MECOM: variants seen among roughly 807,000 people sequenced by gnomAD.
The protein encoded by MECOM is MDS1 and EVI1 complex locus.
MECOM carries 13 observed loss-of-function variants against 116.3 expected under a neutral mutation model. That is an observed-to-expected ratio of 0.11 (90% CI 0.07 to 0.18). MECOM has a LOEUF of 0.18. MECOM is among the 10% of genes least tolerant of loss of function. MECOM has a pLI of 1.00. For synonymous variants in MECOM, 528 were observed against 535.2 expected, an observed-to-expected ratio of 0.99 and a Z score of 0.19; for missense variants, 1,299 against 1,509.0, an observed-to-expected ratio of 0.86 and a Z score of 2.31.
intron 2 of MECOM, among the ~76,000 whole-genome samples, chr3:169,311,716 A>G (rs1718806706): frequency 6.6e-6 from 1 of 152,004 alleles, no homozygotes; most frequent in African/African-American, 2.4e-5. Flanking sequence ...TTCAAAAATT[A>G]CCTTTCTCTA....
intron 1 of MECOM, among the ~76,000 whole-genome samples, chr3:169,459,010 T>C (rs1338634038): frequency 6.6e-6 from 1 of 150,712 alleles, no homozygotes; most frequent in Non-Finnish European, 1.5e-5. Context: ...TCGATTCCCT[T>C]ACACAAAAGC....
intron 2 of MECOM, among the ~76,000 whole-genome samples, chr3:169,379,143 T>C (rs1209505595): frequency 1.3e-5 from 2 of 150,170 alleles, no homozygotes; most frequent in African/African-American, 4.9e-5. Flanking sequence ...TTGTATTAAC[T>C]AGGTAAGATT....
At chr3:169,358,336 T>C (rs566218098) in intron 2 of MECOM, among the ~76,000 whole-genome samples, 2 of 151,880 alleles carry the variant, frequency 1.3e-5, no homozygotes, top group Non-Finnish European at 3.0e-5. Context: ...AAAGGACTTA[T>C]ATTAAATAGA....
At chr3:169,102,437 C>T (rs1335789513) in intron 10 of MECOM, among the ~76,000 whole-genome samples, 2 of 152,050 alleles carry the variant, frequency 1.3e-5, no homozygotes, top group Non-Finnish European at 2.9e-5. Flanking sequence ...AAATGCTGAG[C>T]GAACTTTTTC....
At chr3:169,573,646 G>T (rs1418943126) in intron 1 of MECOM, among the ~76,000 whole-genome samples, 1 of 152,058 alleles carries the variant, frequency 6.6e-6, no homozygotes, top group Non-Finnish European at 1.5e-5. Context: ...TTTTATCAGA[G>T]GAAGGAAATC....
At chr3:169,266,090 T>C (rs547605311) in intron 2 of MECOM, among the ~76,000 whole-genome samples, 86 of 152,318 alleles carry the variant, frequency 5.6e-4, no homozygotes, top group African/African-American at 2.0e-3. Context: ...TCAAGGAGGA[T>C]TTTTACTTTG....
At chr3:169,454,555 T>C (rs1418906) in intron 1 of MECOM, among the ~76,000 whole-genome samples, 6,799 of 152,194 alleles carry the variant, frequency 0.045, 367 homozygotes, top group African/African-American at 0.13. Context: ...ATGGAGAAAG[T>C]TTTAAGACAG....
In MECOM at chr3:169,412,282, TC is replaced by T. The variant is rs1331081357; in HGVS notation, c.38-30759del. ...GCCTGGGCAACAGAGTGAGACTCTGTCTCAAAAAAAAAAAAAAGGAATAAAT... is the reference window on the plus strand; with the variant it reads ...GCCTGGGCAACAGAGTGAGACTCTGTTCAAAAAAAAAAAAAAGGAATAAAT... On this transcript the variant is annotated intron_variant, in intron 1 of 16. Coordinates refer to ENST00000651503, the MANE Select transcript of MECOM (RefSeq NM_004991.4). 2.4e-5 allele frequency among the ~76,000 whole-genome samples: 3 copies of T among 122,660 alleles called. No homozygotes were observed. The South Asian group carries it at 7.5e-4, about 31-fold the overall frequency. 80.5% of individuals were successfully genotyped at this position (122,660 alleles called of 152,430 possible).
chr3:169,219,208 T>TA (rs369444514), intron 2 of MECOM, among the ~76,000 whole-genome samples: 5 of 151,918 alleles, frequency 3.3e-5, no homozygotes, highest in African/African-American at 7.2e-5. Flanking sequence ...TTAGGTCCTT[T>TA]AAAAAAAAAT....
At chr3:169,549,842 G>A (rs1761169039) in intron 1 of MECOM, among the ~76,000 whole-genome samples, 1 of 152,248 alleles carries the variant, frequency 6.6e-6, no homozygotes. Flanking sequence ...CCTCTGGGAT[G>A]TGGCGCTGTC....
At chr3:169,347,594 G>A (rs999790181) in intron 2 of MECOM, among the ~76,000 whole-genome samples, 1 of 151,926 alleles carries the variant, frequency 6.6e-6, no homozygotes, top group Non-Finnish European at 1.5e-5. Context: ...AAATGAGGAG[G>A]AGTTAGAATT....
chr3:169,601,685 G>C (rs1767848252), intron 1 of MECOM, among the ~76,000 whole-genome samples: 1 of 152,080 alleles, frequency 6.6e-6, no homozygotes, highest in African/African-American at 2.4e-5. Flanking sequence ...CCATCTGCAG[G>C]CTCACGTCAC....
chr3:169,181,376 C>A (rs186702706), intron 2 of MECOM, among the ~76,000 whole-genome samples: 15 of 152,244 alleles, frequency 9.9e-5, no homozygotes, highest in Admixed American at 3.3e-4. Context: ...CCACATGTGA[C>A]CAATGCCAGC....
At position 169,095,214 on chromosome 3, in the gene MECOM, A is replaced by T; in HGVS notation, c.2881T>A (p.Ser961Thr). ...CGAACATGCCTTTGCAAGTTAGAAG[A>T]TATGCTAAATGATCTGTCACAGTAT... The part of the protein sequence containing the change: ...CKYCDRSFSI[S>T]SNLQRHVRNI... Residue 961 changes from serine to threonine, a missense_variant, in exon 13 of 17, where the codon TCT (serine) becomes ACT (threonine). Ser to Thr is a moderately conservative substitution (Grantham distance 58, BLOSUM62 1). Transcript: ENST00000651503. 6.2e-7 allele frequency: 1 copy of T among 1,612,646 alleles called. No individual in the cohort carries two copies. The highest frequency in any genetic ancestry group is 8.5e-7 in the Non-Finnish European group (1 of 1,179,468).
chr3:169,610,740 T>G (rs1327632433), intron 1 of MECOM, among the ~76,000 whole-genome samples: 1 of 152,204 alleles, frequency 6.6e-6, no homozygotes, highest in East Asian at 1.9e-4. Context: ...AGACACTTCT[T>G]GGGTGAAATA....
At chr3:169,101,281 A>T (rs1489370786) in intron 11 of MECOM, among the ~76,000 whole-genome samples, 1 of 152,192 alleles carries the variant, frequency 6.6e-6, no homozygotes, top group Admixed American at 6.5e-5. Flanking sequence ...ATTGAACCAG[A>T]TAAGGGGATA....
At chr3:169,356,999 CA>C in intron 2 of MECOM, among the ~76,000 whole-genome samples, 1 of 151,940 alleles carries the variant, frequency 6.6e-6, no homozygotes, top group East Asian at 1.9e-4. Flanking sequence ...ACAGAATTTT[CA>C]AAATCTGCCA....
At chr3:169,278,371 C>G (rs1389178504) in intron 2 of MECOM, among the ~76,000 whole-genome samples, 1 of 152,182 alleles carries the variant, frequency 6.6e-6, no homozygotes, top group Non-Finnish European at 1.5e-5. Flanking sequence ...AGATCCAGTC[C>G]TAAATGCCTT....
At chr3:169,606,580 A>G (rs1172257708) in intron 1 of MECOM, among the ~76,000 whole-genome samples, 1 of 152,208 alleles carries the variant, frequency 6.6e-6, no homozygotes, top group Non-Finnish European at 1.5e-5. Context: ...ACCGCAAAGT[A>G]CAGTGGCTTA....
Sources: gnomAD v4.1 joint callset for allele counts (sites outside exome capture counted in the v4.1 genomes callset) on GRCh38, gnomAD v4.1.1 for gene constraint, MANE v1.5 for transcripts, NCBI Gene and HGNC (gene_info 2026-07-23, HGNC 2026-07-21) for gene names.